Variants in SAP130 observed in about 807,000 individuals in gnomAD.
SAP130 encodes histone deacetylase complex subunit SAP130.
Under a neutral mutation model 103.2 loss-of-function variants are expected in SAP130, and 16 were observed. The ratio of observed to expected loss-of-function variants is 0.16; its 90% confidence interval spans 0.10 to 0.24. The LOEUF (loss-of-function observed/expected upper bound fraction) is 0.24. Ranked by LOEUF, SAP130 falls within the 10% of genes least tolerant of loss-of-function variation. SAP130 has a pLI of 1.00. For missense variants in SAP130, 990 were observed against 1,359.7 expected (o/e 0.73, Z 4.28); for synonymous variants, 477 against 497.0 (o/e 0.96, Z 0.53).
intron 14 of SAP130, among the ~76,000 whole-genome samples, chr2:127,982,118 A>G (rs1681985895): frequency 1.3e-5 from 2 of 152,190 alleles, no homozygotes; most frequent in Admixed American, 1.3e-4. Flanking sequence ...AAAAAGACGG[A>G]CAGAAGAACT....
At chr2:128,028,059 T>TGCCCCCC, upstream of SAP130, 1 of 811,664 alleles carries the variant, frequency 1.2e-6, no homozygotes, top group Non-Finnish European at 1.5e-6. Flanking sequence ...GCTAGCACTC[T>TGCCCCCC]GCCCCCCACC....
At chr2:127,954,881 C>T (rs1679721934) in intron 16 of SAP130, 105 bp downstream of exon 16, 1 of 839,406 alleles carries the variant, frequency 1.2e-6, no homozygotes, top group African/African-American at 1.7e-5. Flanking sequence ...AATGGGTTAT[C>T]AGGGAGTCTT....
At chr2:127,971,171 T>A (rs1681059614) in intron 15 of SAP130, among the ~76,000 whole-genome samples, 1 of 152,006 alleles carries the variant, frequency 6.6e-6, no homozygotes, top group African/African-American at 2.4e-5. Flanking sequence ...CAGGCTGATA[T>A]CGAACCCCCG....
rs985277073 is a variant in SAP130, at chr2:128,026,090, A to G, written c.112+91T>C. 3 of 854,724 alleles carry G rather than the reference A, an allele frequency of 3.5e-6. No homozygotes were observed. In the African/African-American group the frequency reaches 5.2e-5, roughly 15 times the overall value. 52.9% of individuals were successfully genotyped at this position (854,724 alleles called of 1,614,324 possible). ...AAATTCAAGAAACAAGAATTTACTAAAATCCTAGAAGAATCTGCTAATTTT... is the reference window on the plus strand; with the variant it reads ...AAATTCAAGAAACAAGAATTTACTAGAATCCTAGAAGAATCTGCTAATTTT... On this transcript the variant is annotated intron_variant, in intron 2 of 20. Transcript: ENST00000643581.
chr2:128,008,058 T>C (rs1684097568), intron 7 of SAP130, among the ~76,000 whole-genome samples: 1 of 152,212 alleles, frequency 6.6e-6, no homozygotes, highest in Admixed American at 6.5e-5. Context: ...TCCTCACCAC[T>C]CTGCCCTGCT....
chr2:128,011,852 G>A (rs914220059), intron 6 of SAP130, among the ~76,000 whole-genome samples: 3 of 152,016 alleles, frequency 2.0e-5, no homozygotes, highest in African/African-American at 2.4e-5. Flanking sequence ...TCACTCTCTC[G>A]TCCCAGCTAG....
rs1244141864 is a variant in SAP130, at chr2:127,989,816, C to T, written c.1528G>A (p.Val510Ile). The T allele has an allele frequency of 3.7e-6, 6 of 1,614,178 alleles. No homozygotes were observed. Among genetic ancestry groups the T allele is most frequent in the Non-Finnish European group, 5.1e-6 (6 of 1,180,038 alleles). The change falls in exon 13 of 21, where the codon GTA becomes ATA. Residue 510 changes from valine (V) to isoleucine (I), a missense_variant. This residue lies in a region of SAP130 where 336 missense variants were observed against 520.1 expected (regional missense o/e 0.65). Coordinates refer to ENST00000643581, the MANE Select transcript of SAP130 (RefSeq NM_001330301.2). This position sits in a 1 kb window ranked among gnomAD's most constrained non-coding sequence, Gnocchi z 4.6. ...GGGTTTAGGTGGACGGTAGACGCTACCCCAACACCAGTCTGAGCTGTGATG... is the reference window on the plus strand; with the variant it reads ...GGGTTTAGGTGGACGGTAGACGCTATCCCAACACCAGTCTGAGCTGTGATG... ...SAITAQTGVG[V>I]ASTVHLNPMQ...
intron 12 of SAP130, among the ~76,000 whole-genome samples, chr2:127,992,618 G>A (rs1348348338): frequency 6.6e-6 from 1 of 152,180 alleles, no homozygotes; most frequent in Admixed American, 6.5e-5. Flanking sequence ...AGAGTGACCT[G>A]AGGGTTCCAC....
At chr2:127,950,438 G>GT in intron 16 of SAP130, 30 bp from the exon 17 acceptor site, 1 of 1,610,338 alleles carries the variant, frequency 6.2e-7, no homozygotes, top group South Asian at 1.1e-5. Flanking sequence ...ACACATATCT[G>GT]TAAGAACTCA....
Position 127,978,081 on chromosome 2 carries a change from A to C in SAP130, c.1967T>G (p.Val656Gly). 1.3e-6 allele frequency: 2 copies of C among 1,551,552 alleles called. No homozygotes were observed. The highest frequency in any genetic ancestry group is 1.7e-6 in the Non-Finnish European group (2 of 1,146,856). ...CTGAGGAGGAATGAGGGTTTTCCGA[A>C]CTGCCATTCTGAAAGAGACAAGAGA... ...RKKPATDGMA[V>G]RKTLIPPQPP... Residue 656 changes from valine to glycine, a missense_variant, in exon 15 of 21, where the codon GTT (valine) becomes GGT (glycine). Transcript: ENST00000643581.
intron 15 of SAP130, among the ~76,000 whole-genome samples, chr2:127,971,534 G>A (rs1344107088): frequency 6.6e-6 from 1 of 152,056 alleles, no homozygotes; most frequent in African/African-American, 2.4e-5. Context: ...TGATCTACCC[G>A]CCTTGGCCTC....
chr2:128,026,458 C>CATT (rs1445218879), intron 1 of SAP130, among the ~76,000 whole-genome samples, 160 bp from the exon 2 acceptor site: 2 of 152,216 alleles, frequency 1.3e-5, no homozygotes, highest in East Asian at 3.8e-4. Context: ...TAAATGCAGA[C>CATT]ATTATCTAAA....
At chr2:127,957,897 TC>T (rs1254779010) in intron 15 of SAP130, among the ~76,000 whole-genome samples, 1 of 151,862 alleles carries the variant, frequency 6.6e-6, no homozygotes, top group Non-Finnish European at 1.5e-5. Context: ...AATAAGAGTT[TC>T]CCCAAAAAAA....
intron 15 of SAP130, among the ~76,000 whole-genome samples, chr2:127,963,593 T>C (rs527613425): frequency 6.6e-6 from 1 of 152,324 alleles, no homozygotes; most frequent in East Asian, 1.9e-4. Flanking sequence ...TAATGTGTTA[T>C]GGTTTGGCTC....
At chr2:127,997,474 T>C (rs1441648664) in intron 10 of SAP130, among the ~76,000 whole-genome samples, 1 of 152,184 alleles carries the variant, frequency 6.6e-6, no homozygotes, top group East Asian at 1.9e-4. Flanking sequence ...AAAGGTAAGC[T>C]GCACAGACCC....
At chr2:128,018,648 T>C (rs1021206086) in intron 2 of SAP130, among the ~76,000 whole-genome samples, 3 of 151,784 alleles carry the variant, frequency 2.0e-5, no homozygotes, top group East Asian at 3.9e-4. Flanking sequence ...TAAAATTAAA[T>C]GGGCATGGTG....
Position 127,997,588 on chromosome 2 carries a change from A to G in SAP130, c.1214-1097T>C, listed in dbSNP as rs953130530. On this transcript the variant is annotated intron_variant, in intron 10 of 20. Coordinates refer to ENST00000643581, the MANE Select transcript of SAP130 (RefSeq NM_001330301.2). Reference sequence around the variant, plus strand: ...CACTGAAGATCGCATCTATTGGCCAATGCAAAGAGAAGTTGGCATGATAGG... The same window carrying G: ...CACTGAAGATCGCATCTATTGGCCAGTGCAAAGAGAAGTTGGCATGATAGG... 1.4e-4 allele frequency among the ~76,000 whole-genome samples: 21 copies of G among 152,196 alleles called. 1 individual carries two copies. Among genetic ancestry groups the G allele is most frequent in the Admixed American group, 1.3e-3 (20 of 15,282 alleles).
chr2:127,998,946 G>A (rs1683358710), intron 10 of SAP130, among the ~76,000 whole-genome samples: 1 of 152,300 alleles, frequency 6.6e-6, no homozygotes, highest in South Asian at 2.1e-4. Flanking sequence ...GGGCTGAGAT[G>A]GCAATATGGA....
chr2:128,018,894 C>T lies in SAP130; in HGVS notation c.113-979G>A, dbSNP rs368296108. ...GTGGATCATTTGAAGTCAGGAGTTC[C>T]AGGCCAGCCTGACCAACGTGGTGAA... On this transcript the variant is annotated intron_variant, in intron 2 of 20. Transcript: ENST00000643581. Among the ~76,000 whole-genome samples the T allele has an allele frequency of 4.6e-4, 70 of 151,948 alleles. 2 individuals carry two copies. In the South Asian group the frequency reaches 0.014, roughly 30 times the overall value.
Sources: gnomAD v4.1 joint callset for allele counts (sites outside exome capture counted in the v4.1 genomes callset) on GRCh38, gnomAD v4.1.1 for gene constraint, gnomAD v4.1.1 regional missense constraint, Gnocchi (gnomAD v3.1) non-coding constraint, MANE v1.5 for transcripts, NCBI Gene and HGNC (gene_info 2026-07-23, HGNC 2026-07-21) for gene names.